The following ACOX3 variants were observed in gnomAD, a reference collection of about 807,000 sequenced individuals.
ACOX3 encodes peroxisomal acyl-coenzyme A oxidase 3.
In ACOX3, 73 loss-of-function variants were observed where a neutral mutation model predicts 81.5. That is an observed-to-expected ratio of 0.90 (90% CI 0.74 to 1.09). The LOEUF (loss-of-function observed/expected upper bound fraction) is 1.09. Ranked by LOEUF, ACOX3 falls within the 50% of genes least tolerant of loss-of-function variation. ACOX3 has a pLI of 0.00. For missense variants in ACOX3, 947 were observed against 928.0 expected (o/e 1.02, Z -0.27); for synonymous variants, 387 against 375.1 (o/e 1.03, Z -0.37).
At chr4:8,392,190 G>T in intron 11 of ACOX3, 143 bp downstream of exon 11, 1 of 1,070,370 alleles carries the variant, frequency 9.3e-7, no homozygotes, top group Non-Finnish European at 1.3e-6. Context: ...GGGGGTGGCT[G>T]GCTGTGTTCC....
At position 8,406,888 on chromosome 4, in the gene ACOX3, A is replaced by G. The variant is rs748967444; in HGVS notation, c.688-845T>C. Among the ~76,000 whole-genome samples the G allele has an allele frequency of 6.6e-6, 1 of 152,232 alleles. No individual in the cohort carries two copies. Among genetic ancestry groups the G allele is most frequent in the Non-Finnish European group, 1.5e-5 (1 of 68,034 alleles). On this transcript the variant is annotated intron_variant, in intron 6 of 17. Coordinates refer to ENST00000356406, the MANE Select transcript of ACOX3 (RefSeq NM_003501.3). The surrounding 1 kb of genome is among the most constrained non-coding windows in gnomAD (Gnocchi z 5.6). The stretch of plus-strand genomic sequence containing the variant: ...CACAGGGAGACGGTTAGTCCTCCGG[A>G]TAACTGCGGGCAAGCCTGACAAATG...
intron 16 of ACOX3, 62 bp from the exon 17 acceptor site, chr4:8,371,056 A>T (rs976857560): frequency 6.6e-7 from 1 of 1,517,890 alleles, no homozygotes; most frequent in Non-Finnish European, 9.1e-7. Context: ...TGACCAAAGC[A>T]TAACAGCCCC....
intron 1 of ACOX3, among the ~76,000 whole-genome samples, chr4:8,422,051 T>C (rs1723006449): frequency 6.6e-6 from 1 of 152,214 alleles, no homozygotes; most frequent in Admixed American, 6.5e-5. Flanking sequence ...CGCATATTCC[T>C]ATAGAGGCAA....
At position 8,419,550 on chromosome 4, in the gene ACOX3, T is replaced by C. The variant is rs1722712387; in HGVS notation, c.-14-3015A>G. ...TGAAAATGTAAAGTGACCCAGCCAT[T>C]CTGGAGAACAGTGTGGCAGTTCCAC... On this transcript the variant is annotated intron_variant, in intron 1 of 17. Coordinates refer to ENST00000356406, the MANE Select transcript of ACOX3 (RefSeq NM_003501.3). The surrounding 1 kb of genome is among the most constrained non-coding windows in gnomAD (Gnocchi z 4.2). Among the ~76,000 whole-genome samples the C allele has an allele frequency of 6.6e-6, 1 of 152,200 alleles. No homozygotes were observed. Among genetic ancestry groups the C allele is most frequent in the Non-Finnish European group, 1.5e-5 (1 of 68,012 alleles).
Position 8,414,519 on chromosome 4 carries a change from C to T in ACOX3, c.454-138G>A, listed in dbSNP as rs554918350. ...AAATTTCCATCTACCCAACTAGTGA[C>T]TTGACTGAGTCATGCTGCCACACTC... On this transcript the variant is annotated intron_variant, in intron 4 of 17. Transcript: ENST00000356406. The surrounding 1 kb of genome is among the most constrained non-coding windows in gnomAD (Gnocchi z 6.1). The T allele has an allele frequency of 1.2e-6, 1 of 816,274 alleles. No homozygotes were observed. Among genetic ancestry groups the T allele is most frequent in the South Asian group, 1.6e-5 (1 of 61,990 alleles). 50.6% of individuals were successfully genotyped at this position (816,274 alleles called of 1,614,324 possible). A position where few individuals can be genotyped will look rare whatever the true frequency, so the allele number is the denominator to read the frequency against.
rs1026525817 is a variant in ACOX3, at chr4:8,392,313, T to C, written c.1300+20A>G. On this transcript the variant is annotated intron_variant, in intron 11 of 17. Transcript: ENST00000356406. ...CAGGGCTAAGGACAGGAAACCACCA[T>C]GCGCTTCTCCAAAACCTACTGGCCA... is the stretch of plus-strand genomic sequence containing the variant. 4 of 1,528,450 alleles carry C rather than the reference T, an allele frequency of 2.6e-6. No homozygotes were observed. Among genetic ancestry groups the C allele is most frequent in the Admixed American group, 4.3e-5 (2 of 46,664 alleles). 94.7% of individuals were successfully genotyped at this position (1,528,450 alleles called of 1,614,324 possible). A position where few individuals can be genotyped will look rare whatever the true frequency, so the allele number is the denominator to read the frequency against.
chr4:8,421,525 T>C (rs1722948500), intron 1 of ACOX3, among the ~76,000 whole-genome samples: 2 of 152,248 alleles, frequency 1.3e-5, no homozygotes, highest in South Asian at 2.1e-4. Flanking sequence ...TTCTGGCCCA[T>C]ACCTCCTGGG....
downstream of ACOX3, among the ~76,000 whole-genome samples, chr4:8,362,563 C>T (rs1261933839): frequency 6.6e-6 from 1 of 152,190 alleles, no homozygotes; most frequent in Non-Finnish European, 1.5e-5. Context: ...TTTACCAAGG[C>T]TTTAACTGGA....
the ACOX3 span, chr4:8,357,194 T>G: frequency 1.1e-5 from 5 of 455,872 alleles, no homozygotes; most frequent in African/African-American, 6.0e-5. Context: ...AGCCAGCAGG[T>G]GAGGGAAAGG....
Position 8,437,611 on chromosome 4 carries a change from C to A in ACOX3, c.-15+3037G>T, listed in dbSNP as rs1042975101. Among the ~76,000 whole-genome samples, 1 of 152,096 alleles carries A rather than the reference C, an allele frequency of 6.6e-6. No homozygotes were observed. Among genetic ancestry groups the A allele is most frequent in the Non-Finnish European group, 1.5e-5 (1 of 68,022 alleles). On this transcript the variant is annotated intron_variant, in intron 1 of 17. Coordinates refer to ENST00000356406, the MANE Select transcript of ACOX3 (RefSeq NM_003501.3). The surrounding 1 kb of genome is among the most constrained non-coding windows in gnomAD (Gnocchi z 5.2). Reference sequence around the variant, plus strand: ...CTTATAAAAAGAGAGATTAGCAATGCGAGAGGACGTGGACACGGATGTAGA... The same window carrying A: ...CTTATAAAAAGAGAGATTAGCAATGAGAGAGGACGTGGACACGGATGTAGA...
chr4:8,418,088 C>G (rs1018114488), intron 1 of ACOX3, among the ~76,000 whole-genome samples: 1 of 152,202 alleles, frequency 6.6e-6, no homozygotes, highest in Admixed American at 6.5e-5. Context: ...ATTGTGAATT[C>G]TGCCAAACAT....
chr4:8,413,532 G>C (rs1249296194), intron 5 of ACOX3, among the ~76,000 whole-genome samples: 1 of 134,120 alleles, frequency 7.5e-6, no homozygotes, highest in Non-Finnish European at 1.6e-5. Context: ...TCCATGCACT[G>C]ACAGCCCCAG....
chr4:8,423,849 C>T lies in ACOX3; in HGVS notation c.-14-7314G>A, dbSNP rs898919112. Among the ~76,000 whole-genome samples, 1 of 152,244 alleles carries T rather than the reference C, an allele frequency of 6.6e-6. No homozygotes were observed. The highest frequency in any genetic ancestry group is 1.5e-5 in the Non-Finnish European group (1 of 68,050). On this transcript the variant is annotated intron_variant, in intron 1 of 17. Coordinates refer to ENST00000356406, the MANE Select transcript of ACOX3 (RefSeq NM_003501.3). The surrounding 1 kb of genome is among the most constrained non-coding windows in gnomAD (Gnocchi z 4.2). ...TTTTACCCCAAGGGTTCATGGACAG[C>T]CCCCATCTATTTGGCCAGGCATTAG...
rs78233586 is a variant in ACOX3 at position 8,366,528 on chromosome 4, T to C, written c.*433A>G. On this transcript the variant is annotated 3_prime_UTR_variant, in exon 18 of 18. Transcript: ENST00000356406. ...ATTATGTGACAAAGCCGAGGGAGAG[T>C]TGACAAAGAACCAGACTGGCATCAT... The C allele has an allele frequency of 5.7e-3, 894 of 157,904 alleles. 11 individuals carry two copies. The highest frequency in any genetic ancestry group is 0.02 in the African/African-American group (851 of 41,564). 9.8% of individuals were successfully genotyped at this position (157,904 alleles called of 1,614,324 possible).
Position 8,399,555 on chromosome 4 carries a change from C to A in ACOX3, c.873+1G>T, listed in dbSNP as rs1338527781. The A allele has an allele frequency of 1.2e-6, 2 of 1,612,488 alleles. No individual in the cohort carries two copies. The highest frequency in any genetic ancestry group is 1.7e-6 in the Non-Finnish European group (2 of 1,178,520). On this transcript the variant is annotated splice_donor_variant, in intron 8 of 17. Transcript: ENST00000356406. LOFTEE classifies it high-confidence loss of function. The surrounding 1 kb of genome is among the most constrained non-coding windows in gnomAD (Gnocchi z 4.9). ...ACACGAACGGCCCCCCATGCCTGTACCTTAAAGGGGCTGACATAGGTGCCC... is the reference window on the plus strand; with the variant it reads ...ACACGAACGGCCCCCCATGCCTGTAACTTAAAGGGGCTGACATAGGTGCCC...
chr4:8,434,495 C>G (rs372906163), intron 1 of ACOX3, among the ~76,000 whole-genome samples: 1 of 152,258 alleles, frequency 6.6e-6, no homozygotes, highest in Non-Finnish European at 1.5e-5. Context: ...AGCCAGCTTG[C>G]GCGATGCAGA....
At chr4:8,373,250 T>C (rs964607083) in intron 16 of ACOX3, among the ~76,000 whole-genome samples, 5 of 152,092 alleles carry the variant, frequency 3.3e-5, no homozygotes, top group African/African-American at 4.8e-5. Flanking sequence ...GATGTAGCCA[T>C]ATTTTCTTGT....
rs1362176520 is a variant in ACOX3, at chr4:8,431,659, G to A, written c.-15+8989C>T. On this transcript the variant is annotated intron_variant, in intron 1 of 17. Coordinates refer to ENST00000356406, the MANE Select transcript of ACOX3 (RefSeq NM_003501.3). The surrounding 1 kb of genome is among the most constrained non-coding windows in gnomAD (Gnocchi z 5.3). ...TGGGTGAAACCACCAGGAGCTGCACGTGGACCCCTAGTGTGAACAGTAGGG... is the reference window on the plus strand; with the variant it reads ...TGGGTGAAACCACCAGGAGCTGCACATGGACCCCTAGTGTGAACAGTAGGG... Among the ~76,000 whole-genome samples, 1 of 152,242 alleles carries A rather than the reference G, an allele frequency of 6.6e-6. No homozygotes were observed. Among genetic ancestry groups the A allele is most frequent in the Non-Finnish European group, 1.5e-5 (1 of 68,038 alleles).
In ACOX3 at chr4:8,440,705, A is replaced by T; in HGVS notation, c.-72T>A. On this transcript the variant is annotated 5_prime_UTR_variant, in exon 1 of 18. Coordinates refer to ENST00000356406, the MANE Select transcript of ACOX3 (RefSeq NM_003501.3). ...AAACCAAAAGCAGGAAAGGATCTCC[A>T]GCGGCGCCATTCTCATTTCCGGTCC... The T allele has an allele frequency of 1.6e-6, 2 of 1,250,122 alleles. No homozygotes were observed. Among genetic ancestry groups the T allele is most frequent in the South Asian group, 1.8e-5 (1 of 54,628 alleles). The allele number at this position is 1,250,122 out of a possible 1,614,324, so 77.4% of individuals were successfully genotyped here.
Sources: allele counts gnomAD v4.1 joint callset (sites outside exome capture counted in the v4.1 genomes callset), GRCh38; gene constraint gnomAD v4.1.1; non-coding constraint Gnocchi (gnomAD v3.1); transcripts MANE v1.5; gene names NCBI Gene and HGNC (gene_info 2026-07-23, HGNC 2026-07-21).